Variants in LRRC8C observed in about 807,000 individuals in gnomAD.
LRRC8C encodes volume-regulated anion channel subunit LRRC8C.
Under a neutral mutation model 55.3 loss-of-function variants are expected in LRRC8C, and 20 were observed. The ratio of observed to expected loss-of-function variants is 0.36; its 90% confidence interval spans 0.25 to 0.53. The LOEUF (loss-of-function observed/expected upper bound fraction) is 0.53. Among genes scored for constraint, LRRC8C ranks in the 20% least tolerant of loss-of-function variants. LRRC8C has a pLI of 0.92. For synonymous variants in LRRC8C, 376 were observed against 360.7 expected, an observed-to-expected ratio of 1.04 and a Z score of -0.48; for missense variants, 659 against 951.4, an observed-to-expected ratio of 0.69 and a Z score of 4.04.
Position 89,654,614 on chromosome 1 carries a change from AAGTT to A in LRRC8C, c.-5+21297_-5+21300del, listed in dbSNP as rs201090009. ...CTATTTATTCTACTCTCAAATTTGA[AAGTT>A]AGTTTGGTTGGGTACTAAACTCTAC... On this transcript the variant is annotated intron_variant, in intron 1 of 2. Transcript: ENST00000370454. Among the ~76,000 whole-genome samples, 1,041 of 152,294 alleles carry A rather than the reference AAGTT, an allele frequency of 6.8e-3. 13 individuals carry two copies. Among genetic ancestry groups the A allele is most frequent in the African/African-American group, 0.024 (997 of 41,562 alleles).
Position 89,636,452 on chromosome 1 carries a change from T to C in LRRC8C, c.-5+3130T>C, listed in dbSNP as rs548036917. ...AGAAACATGTACTCATTCTATAGTT[T>C]TTCCTTTGCTCTTACTCTTTTATTT... On this transcript the variant is annotated intron_variant, in intron 1 of 2. Coordinates refer to ENST00000370454, the MANE Select transcript of LRRC8C (RefSeq NM_032270.5). Among the ~76,000 whole-genome samples, 3 of 152,352 alleles carry C rather than the reference T, an allele frequency of 2.0e-5. No individual in the cohort carries two copies. In the East Asian group the frequency reaches 5.8e-4, roughly 29 times the overall value.
intron 2 of LRRC8C, among the ~76,000 whole-genome samples, chr1:89,687,296 G>T (rs1238092665): frequency 6.6e-6 from 1 of 152,182 alleles, no homozygotes; most frequent in African/African-American, 2.4e-5. Flanking sequence ...CCTCATTTTG[G>T]TTTGGGAATA....
chr1:89,625,329 T>C, the LRRC8C span: 1 of 152,160 alleles, frequency 6.6e-6, no homozygotes, highest in Non-Finnish European at 1.5e-5. Context: ...TGTAAAGATA[T>C]TAAGAGATTT....
the LRRC8C span, among the ~76,000 whole-genome samples, chr1:89,624,636 G>A: frequency 1.3e-5 from 2 of 152,072 alleles, no homozygotes; most frequent in South Asian, 4.1e-4. Context: ...CTACCAAGAG[G>A]GCTTATCTTG....
chr1:89,616,606 G>T, the LRRC8C span, among the ~76,000 whole-genome samples: 1 of 152,216 alleles, frequency 6.6e-6, no homozygotes, highest in Admixed American at 6.5e-5. Context: ...TCTAACTTGA[G>T]TGTCGATAAA....
At chr1:89,711,220 A>G (rs943236498) in intron 2 of LRRC8C, among the ~76,000 whole-genome samples, 1 of 152,360 alleles carries the variant, frequency 6.6e-6, no homozygotes, top group Admixed American at 6.5e-5. Flanking sequence ...GTGGTCTTCC[A>G]TGTACCAGAC....
chr1:89,684,431 C>T (rs896202426), intron 1 of LRRC8C, among the ~76,000 whole-genome samples: 9 of 152,170 alleles, frequency 5.9e-5, no homozygotes, highest in Non-Finnish European at 1.0e-4. Flanking sequence ...CATTGCTTCA[C>T]GAATAAGCAT....
intron 1 of LRRC8C, among the ~76,000 whole-genome samples, chr1:89,670,150 T>A (rs1049705218): frequency 2.7e-4 from 41 of 152,338 alleles, no homozygotes; most frequent in Non-Finnish European, 4.7e-4. Context: ...AGTTATTATA[T>A]CAGCTTAGTT....
chr1:89,627,056 G>A, the LRRC8C span, among the ~76,000 whole-genome samples: 3 of 151,232 alleles, frequency 2.0e-5, no homozygotes, highest in East Asian at 5.8e-4. Flanking sequence ...TTATCTAGGG[G>A]CTTTCCAAAA....
intron 2 of LRRC8C, among the ~76,000 whole-genome samples, chr1:89,699,149 A>T (rs1052656115): frequency 2.6e-5 from 4 of 152,236 alleles, no homozygotes; most frequent in Non-Finnish European, 5.9e-5. Context: ...TACATGCTGT[A>T]TGATTCCAAC....
chr1:89,619,847 C>A, the LRRC8C span, among the ~76,000 whole-genome samples: 7 of 152,116 alleles, frequency 4.6e-5, no homozygotes, highest in African/African-American at 1.7e-4. Flanking sequence ...CCCTCACAAC[C>A]AGACTATAAA....
chr1:89,675,134 C>G (rs112455892), intron 1 of LRRC8C, among the ~76,000 whole-genome samples: 1 of 151,956 alleles, frequency 6.6e-6, no homozygotes, highest in South Asian at 2.1e-4. Context: ...CATTTCTTGT[C>G]AGAACAGAAA....
intron 2 of LRRC8C, among the ~76,000 whole-genome samples, chr1:89,711,522 C>G (rs1038847982): frequency 2.0e-5 from 3 of 152,196 alleles, no homozygotes; most frequent in African/African-American, 7.2e-5. Flanking sequence ...TTGCTGAATA[C>G]TCTTTGGTTA....
rs1015577717 is a variant in LRRC8C, at chr1:89,712,774, T to C, written c.204T>C (p.Leu68=). The C allele has an allele frequency of 1.9e-6, 3 of 1,614,018 alleles. No individual in the cohort carries two copies. The highest frequency in any genetic ancestry group is 2.5e-6 in the Non-Finnish European group (3 of 1,180,030). ...RVQPAQNHSS[L]SNVSQAVAST... is the part of the protein sequence containing the mutation. ...AGCCTGCTCAGAACCACTCTTCCCTTTCGAATGTCTCTCAAGCAGTTGCCA... is the reference window on the plus strand; with the variant it reads ...AGCCTGCTCAGAACCACTCTTCCCTCTCGAATGTCTCTCAAGCAGTTGCCA... Residue 68 remains leucine, a synonymous_variant, in exon 3 of 3, where the codon CTT becomes CTC. Coordinates refer to ENST00000370454, the MANE Select transcript of LRRC8C (RefSeq NM_032270.5).
chr1:89,689,071 GAAGATT>G (rs1176473820), intron 2 of LRRC8C, among the ~76,000 whole-genome samples: 19 of 152,306 alleles, frequency 1.2e-4, no homozygotes, highest in African/African-American at 4.6e-4. Context: ...GGACAGTTGT[GAAGATT>G]TTCCTAAAGG....
At chr1:89,621,964 T>C in the LRRC8C span, among the ~76,000 whole-genome samples, 10 of 152,304 alleles carry the variant, frequency 6.6e-5, no homozygotes, top group South Asian at 4.1e-4. Context: ...AATTCACCCT[T>C]AATGGTCCTG....
At chr1:89,707,420 C>A (rs6661701) in intron 2 of LRRC8C, among the ~76,000 whole-genome samples, 7,328 of 151,364 alleles carry the variant, frequency 0.048, 639 homozygotes, top group African/African-American at 0.17. Flanking sequence ...AAAACAAAAA[C>A]AAAAAAACAG....
At chr1:89,661,438 GTGA>G (rs1469222587) in intron 1 of LRRC8C, 1 of 237,266 alleles carries the variant, frequency 4.2e-6, no homozygotes, top group Non-Finnish European at 8.7e-6. Flanking sequence ...CTTGGACTGA[GTGA>G]TGATGTGGTG....
chr1:89,670,584 A>C (rs1391690072), intron 1 of LRRC8C, among the ~76,000 whole-genome samples: 2 of 152,224 alleles, frequency 1.3e-5, no homozygotes, highest in Non-Finnish European at 2.9e-5. Context: ...AGAGCTGTGG[A>C]CTTTCTCTTC....
Sources: gnomAD v4.1 joint callset for allele counts (sites outside exome capture counted in the v4.1 genomes callset) on GRCh38, gnomAD v4.1.1 for gene constraint, MANE v1.5 for transcripts, NCBI Gene and HGNC (gene_info 2026-07-23, HGNC 2026-07-21) for gene names.